Variants in HGF observed in about 807,000 individuals in gnomAD.
The protein encoded by HGF is fibroblast-derived tumor cytotoxic factor.
A neutral mutation model predicts 111.6 loss-of-function variants in HGF; 39 were observed. The observed-to-expected ratio is 0.35, with a 90% CI of 0.27 to 0.46. The LOEUF (loss-of-function observed/expected upper bound fraction) is 0.46. Ranked by LOEUF, HGF falls within the 20% of genes least tolerant of loss-of-function variation. HGF has a pLI of 1.00. For synonymous variants in HGF, 285 were observed against 294.8 expected (o/e 0.97, Z 0.34); for missense variants, 735 against 910.5 (o/e 0.81, Z 2.48).
chr7:81,757,822 T>G (rs1281208035), intron 3 of HGF, among the ~76,000 whole-genome samples: 1 of 152,048 alleles, frequency 6.6e-6, no homozygotes, highest in Non-Finnish European at 1.5e-5. Context: ...CAAATTGTAA[T>G]AACCTATATA....
chr7:81,717,310 G>T lies in HGF; in HGVS notation c.1327C>A (p.Pro443Thr). The change falls in exon 11 of 18, where the codon CCA becomes ACA. Residue 443 changes from proline to threonine, a missense_variant. This residue lies in a region of HGF where 553 missense variants were observed against 685.6 expected (regional missense o/e 0.81). Transcript: ENST00000222390. ...CAGGGTCCATGAGCATCATCATCTG[G>T]ATTTCGGCAGTAATTCTCATTCAGC... ...SKLNENYCRN[P>T]DDDAHGPWCY... 3.1e-6 allele frequency: 5 copies of T among 1,613,440 alleles called. No homozygotes were observed. The highest frequency in any genetic ancestry group is 4.2e-6 in the Non-Finnish European group (5 of 1,179,442).
intron 13 of HGF, among the ~76,000 whole-genome samples, 184 bp from the exon 14 acceptor site, chr7:81,707,548 C>A (rs186087199): frequency 7.2e-5 from 11 of 152,106 alleles, no homozygotes; most frequent in African/African-American, 2.6e-4. Context: ...GTGATTGTAG[C>A]GTTAGCTTTT....
chr7:81,711,489 T>A lies in HGF; in HGVS notation c.1436A>T (p.Asn479Ile). 6.8e-7 allele frequency: 1 copy of A among 1,461,814 alleles called. No individual in the cohort carries two copies. The highest frequency in any genetic ancestry group is 9.5e-7 in the Non-Finnish European group (1 of 1,052,152). The allele number at this position is 1,461,814 out of a possible 1,614,324, so 90.6% of individuals were successfully genotyped here. A position where few individuals can be genotyped will look rare whatever the true frequency, so the allele number is the denominator to read the frequency against. ...TGTGAAATATTACTTACGGTCTAAA[T>A]TGACTATTGTAGGTGTGGTATCACC... The part of the protein sequence containing the change: ...CEGDTTPTIV[N>I]LDHPVISCAK... The change falls in exon 12 of 18, where the codon AAT (asparagine) becomes ATT (isoleucine). Residue 479 changes from asparagine (N) to isoleucine (I), a missense_variant. This residue lies in a region of HGF where 553 missense variants were observed against 685.6 expected (regional missense o/e 0.81). Transcript: ENST00000222390.
chr7:81,720,694 G>C (rs1323814509), intron 10 of HGF, 51 bp downstream of exon 10: 1 of 968,742 alleles, frequency 1.0e-6, no homozygotes, highest in South Asian at 1.3e-5. Context: ...TAAATACACA[G>C]TCTGTTGGTA....
intron 8 of HGF, among the ~76,000 whole-genome samples, chr7:81,727,331 C>T (rs1184868097): frequency 6.6e-6 from 1 of 152,008 alleles, no homozygotes; most frequent in African/African-American, 2.4e-5. Flanking sequence ...GCATGAGCCA[C>T]CGCACCCGGC....
rs1425041747 is a variant in HGF, at chr7:81,701,289, AT to A, written c.*1291del. ...GATTCCACTCTACTTCAAAAAAAAA[AT>A]AAATGAATACAGAGTTGAGACAAAC... On this transcript the variant is annotated 3_prime_UTR_variant, in exon 18 of 18. Coordinates refer to ENST00000222390, the MANE Select transcript of HGF (RefSeq NM_000601.6). The A allele has an allele frequency of 1.3e-5, 2 of 151,556 alleles. No individual in the cohort carries two copies. The highest frequency in any genetic ancestry group is 2.4e-5 in the African/African-American group (1 of 41,396). 9.4% of individuals were successfully genotyped at this position (151,556 alleles called of 1,614,324 possible).
chr7:81,702,610 T>G lies in HGF; in HGVS notation c.2158A>C (p.Ile720Leu). 6.2e-7 allele frequency: 1 copy of G among 1,611,238 alleles called. No homozygotes were observed. The highest frequency in any genetic ancestry group is 8.5e-7 in the Non-Finnish European group (1 of 1,178,014). The change falls in exon 18 of 18, where the codon ATT (isoleucine) becomes CTT (leucine). Residue 720 changes from isoleucine (I) to leucine (L), a missense_variant. Physicochemically the swap from Ile to Leu is conservative, Grantham distance 5. Around this residue, in one of 3 missense-constraint regions of HGF, gnomAD observed 52 missense variants for 95.0 expected, o/e 0.55. Transcript: ENST00000222390. ...GACTGTGGTACCTTATATGTTAAAA[T>G]AATTTTGTGTATCCATTTTGCATAA... ...AYYAKWIHKI[I>L]LTYKVPQS
intron 4 of HGF, 51 bp from the exon 5 acceptor site, chr7:81,752,313 TG>T: frequency 6.5e-7 from 1 of 1,541,552 alleles, no homozygotes; most frequent in Non-Finnish European, 9.0e-7. Flanking sequence ...AACTTTTTTT[TG>T]CCTATTAATT....
rs924545802 is a variant in HGF, at chr7:81,700,597, T to G, written c.*1984A>C. ...ATATCATTAATATGCAATAATAAAA[T>G]TTCACTGGTTCAGCCAGAAGAAACT... On this transcript the variant is annotated 3_prime_UTR_variant, in exon 18 of 18. Transcript: ENST00000222390. The G allele has an allele frequency of 6.6e-6, 1 of 151,566 alleles. No homozygotes were observed. Among genetic ancestry groups the G allele is most frequent in the Admixed American group, 6.6e-5 (1 of 15,144 alleles). 9.4% of individuals were successfully genotyped at this position (151,566 alleles called of 1,614,324 possible).
intron 9 of HGF, among the ~76,000 whole-genome samples, chr7:81,723,083 G>A (rs1410436743): frequency 2.0e-5 from 3 of 151,826 alleles, no homozygotes; most frequent in South Asian, 4.1e-4. Flanking sequence ...CTTAGTACCC[G>A]GGCGATGAAA....
chr7:81,736,894 G>GGTGTGT (rs368271908), intron 7 of HGF, among the ~76,000 whole-genome samples: 8,751 of 141,958 alleles, frequency 0.062, 691 homozygotes, highest in African/African-American at 0.18. Context: ...TGTGTAGAGG[G>GGTGTGT]GTGTGTGTGT....
At chr7:81,702,794 G>A (rs2115743506) in intron 17 of HGF, 37 bp from the exon 18 acceptor site, 2 of 1,563,298 alleles carry the variant, frequency 1.3e-6, no homozygotes, top group African/African-American at 1.4e-5. Flanking sequence ...GTATTATTAG[G>A]AATTAAAAAA....
intron 14 of HGF, among the ~76,000 whole-genome samples, chr7:81,707,078 C>G (rs918248227): frequency 3.3e-5 from 5 of 151,716 alleles, no homozygotes; most frequent in African/African-American, 1.2e-4. Flanking sequence ...GAGGGTAACA[C>G]TAATTGTGAA....
chr7:81,713,312 G>A (rs989238399), intron 11 of HGF, among the ~76,000 whole-genome samples: 1 of 152,072 alleles, frequency 6.6e-6, no homozygotes, highest in Admixed American at 6.6e-5. Flanking sequence ...GGATCACAAG[G>A]TCAGGAGTTC....
intron 1 of HGF, among the ~76,000 whole-genome samples, chr7:81,767,349 G>C (rs1789414470): frequency 6.6e-6 from 1 of 150,928 alleles, no homozygotes. Flanking sequence ...AGAAATCTCA[G>C]CTCTGTCCCT....
intron 5 of HGF, among the ~76,000 whole-genome samples, chr7:81,745,441 A>T (rs552073435): frequency 6.6e-6 from 1 of 152,270 alleles, no homozygotes; most frequent in African/African-American, 2.4e-5. Context: ...ATCCTTGGAA[A>T]TTTTTCCCGT....
intron 10 of HGF, among the ~76,000 whole-genome samples, chr7:81,718,271 A>G (rs940809591): frequency 1.3e-5 from 2 of 152,220 alleles, no homozygotes; most frequent in Non-Finnish European, 2.9e-5. Context: ...AAACACATAT[A>G]GTACTTATTA....
intron 9 of HGF, 132 bp downstream of exon 9, chr7:81,725,758 C>A: frequency 2.0e-6 from 2 of 1,024,944 alleles, no homozygotes; most frequent in South Asian, 2.6e-5. Flanking sequence ...CAGCTTCAAA[C>A]TTGGTGATTT....
intron 5 of HGF, among the ~76,000 whole-genome samples, chr7:81,746,375 G>T (rs1055628872): frequency 1.3e-5 from 2 of 152,122 alleles, no homozygotes; most frequent in African/African-American, 4.8e-5. Flanking sequence ...TATCAATAAA[G>T]GTGCTCAGGT....
Sources: allele counts gnomAD v4.1 joint callset (sites outside exome capture counted in the v4.1 genomes callset), GRCh38; gene constraint gnomAD v4.1.1; regional missense constraint gnomAD v4.1.1; transcripts MANE v1.5; gene names NCBI Gene and HGNC (gene_info 2026-07-23, HGNC 2026-07-21).